Variants in PTPRK observed in about 807,000 individuals in gnomAD.
PTPRK encodes the protein receptor-type tyrosine-protein phosphatase kappa.
Under a neutral mutation model 178.0 loss-of-function variants are expected in PTPRK, and 75 were observed. The ratio of observed to expected loss-of-function variants is 0.42; its 90% CI spans 0.35 to 0.51. PTPRK has a LOEUF of 0.51. Ranked by LOEUF, PTPRK falls within the 20% of genes least tolerant of loss-of-function variation. The pLI is 0.02. For synonymous variants in PTPRK, 637 were observed against 620.6 expected, an observed-to-expected ratio of 1.03 and a Z score of -0.39; for missense variants, 1,441 against 1,797.8, an observed-to-expected ratio of 0.80 and a Z score of 3.59.
intron 7 of PTPRK, among the ~76,000 whole-genome samples, chr6:128,107,942 T>C (rs1484767518): frequency 6.6e-6 from 1 of 152,176 alleles, no homozygotes; most frequent in East Asian, 1.9e-4. Flanking sequence ...ATCATATTTC[T>C]TTTCATTTGT....
chr6:128,212,578 G>A (rs920728491), intron 6 of PTPRK, among the ~76,000 whole-genome samples: 1 of 152,040 alleles, frequency 6.6e-6, no homozygotes, highest in Non-Finnish European at 1.5e-5. Flanking sequence ...CAGGCCTACT[G>A]TCAACAATCT....
intron 1 of PTPRK, among the ~76,000 whole-genome samples, chr6:128,499,779 T>C (rs982565234): frequency 6.6e-6 from 1 of 152,324 alleles, no homozygotes; most frequent in South Asian, 2.1e-4. Context: ...CATGAAACAA[T>C]ACTTCTCTCT....
At chr6:128,028,574 G>C (rs1242383410) in intron 13 of PTPRK, among the ~76,000 whole-genome samples, 2 of 152,052 alleles carry the variant, frequency 1.3e-5, no homozygotes, top group Admixed American at 6.6e-5. Flanking sequence ...TATGGTCTCT[G>C]GTTTTTCTAC....
Position 127,990,738 on chromosome 6 carries a change from A to G in PTPRK, c.3096+31T>C, listed in dbSNP as rs1348919292. 3 of 1,430,668 alleles carry G rather than the reference A, an allele frequency of 2.1e-6. No individual in the cohort carries two copies. In the East Asian group the frequency reaches 6.9e-5, roughly 33 times the overall value. The allele number at this position is 1,430,668 out of a possible 1,614,324, so 88.6% of individuals were successfully genotyped here. On this transcript the variant is annotated intron_variant, in intron 21 of 29. Transcript: ENST00000368226. ...TAAGAGAAAAAGCAGTTTTGATATC[A>G]CTTTTTAAAATAGAATTTTAGAGTA...
intron 2 of PTPRK, among the ~76,000 whole-genome samples, chr6:128,330,395 G>T (rs1830112687): frequency 6.6e-6 from 1 of 151,576 alleles, no homozygotes; most frequent in Non-Finnish European, 1.5e-5. Context: ...TTTTTCATCT[G>T]ATTAAGTGGC....
At chr6:128,180,574 T>C (rs192447267) in intron 7 of PTPRK, among the ~76,000 whole-genome samples, 1 of 152,146 alleles carries the variant, frequency 6.6e-6, no homozygotes, top group East Asian at 1.9e-4. Flanking sequence ...AGTTACCAAA[T>C]GATTATAATG....
intron 1 of PTPRK, among the ~76,000 whole-genome samples, chr6:128,456,870 T>C (rs1374190477): frequency 6.6e-6 from 1 of 152,142 alleles, no homozygotes; most frequent in African/African-American, 2.4e-5. Context: ...GGTTTTATAA[T>C]TTCCTCTTTA....
chr6:128,438,811 T>C (rs1331335935), intron 1 of PTPRK, among the ~76,000 whole-genome samples: 1 of 152,092 alleles, frequency 6.6e-6, no homozygotes, highest in East Asian at 1.9e-4. Context: ...AATCACCAAA[T>C]AATGGGCAGC....
chr6:128,205,642 G>T (rs1583475079), intron 6 of PTPRK, among the ~76,000 whole-genome samples: 1 of 151,486 alleles, frequency 6.6e-6, no homozygotes, highest in South Asian at 2.1e-4. Context: ...GTGGTGGGGG[G>T]CACCTGTAAT....
intron 6 of PTPRK, among the ~76,000 whole-genome samples, chr6:128,192,833 A>G (rs1804058659): frequency 2.0e-5 from 2 of 102,372 alleles, no homozygotes; most frequent in Non-Finnish European, 1.9e-5. Flanking sequence ...AGGGAAGGGA[A>G]GGGAAGGGGA....
chr6:128,000,531 T>C (rs139054897), intron 15 of PTPRK, among the ~76,000 whole-genome samples: 1,944 of 152,016 alleles, frequency 0.013, 48 homozygotes, highest in African/African-American at 0.044. Flanking sequence ...TGTCTTTTAC[T>C]CAGATTTTGC....
At chr6:128,392,177 C>T (rs1839689539) in intron 2 of PTPRK, among the ~76,000 whole-genome samples, 1 of 152,104 alleles carries the variant, frequency 6.6e-6, no homozygotes, top group African/African-American at 2.4e-5. Flanking sequence ...TGGCCTTAAA[C>T]TACTGAATCA....
chr6:128,503,454 C>T (rs1191842906), intron 1 of PTPRK, among the ~76,000 whole-genome samples: 1 of 152,242 alleles, frequency 6.6e-6, no homozygotes. Context: ...TTAATTATAT[C>T]TTACTTATTT....
At position 128,375,567 on chromosome 6, in the gene PTPRK, T is replaced by C. The variant is rs189525067; in HGVS notation, c.223+21999A>G. The stretch of plus-strand genomic sequence containing the variant: ...AGATTTTGGTGGGGACACAGCCAGA[T>C]CATAACATTCCATCCCCGGCCCCTC... On this transcript the variant is annotated intron_variant, in intron 2 of 29. Transcript: ENST00000368226. Among the ~76,000 whole-genome samples the C allele has an allele frequency of 4.2e-3, 638 of 152,106 alleles. 4 individuals are homozygous for C. The highest frequency in any genetic ancestry group is 7.8e-3 in the Non-Finnish European group (532 of 68,002).
chr6:128,053,708 T>C (rs1197703449), intron 13 of PTPRK, among the ~76,000 whole-genome samples: 2 of 152,112 alleles, frequency 1.3e-5, no homozygotes, highest in Non-Finnish European at 2.9e-5. Context: ...CTTCTGAATC[T>C]AACTGACTTC....
At chr6:128,266,731 G>A (rs1298376055) in intron 3 of PTPRK, among the ~76,000 whole-genome samples, 1 of 152,016 alleles carries the variant, frequency 6.6e-6, no homozygotes. Context: ...AAGCTCACAG[G>A]GAGTCAGAAA....
At chr6:128,373,152 T>C (rs1836528292) in intron 2 of PTPRK, among the ~76,000 whole-genome samples, 1 of 152,174 alleles carries the variant, frequency 6.6e-6, no homozygotes, top group Non-Finnish European at 1.5e-5. Flanking sequence ...TTATTCCTAG[T>C]GGTCACATAT....
intron 2 of PTPRK, chr6:128,340,869 T>G: frequency 2.4e-6 from 1 of 409,844 alleles, no homozygotes; most frequent in Admixed American, 3.2e-5. Context: ...TTCTTTAATA[T>G]TAACTTTTAG....
intron 2 of PTPRK, among the ~76,000 whole-genome samples, chr6:128,394,018 A>G (rs1007451481): frequency 5.3e-5 from 8 of 152,112 alleles, no homozygotes; most frequent in Non-Finnish European, 1.2e-4. Context: ...ACTAACCATC[A>G]TTACCCAAAC....
Sources: allele counts gnomAD v4.1 joint callset (sites outside exome capture counted in the v4.1 genomes callset), GRCh38; gene constraint gnomAD v4.1.1; transcripts MANE v1.5; gene names NCBI Gene and HGNC (gene_info 2026-07-23, HGNC 2026-07-21).